RYR2: variants seen among roughly 807,000 people sequenced by gnomAD.
RYR2 encodes the protein ryanodine receptor 2.
RYR2 carries 227 observed loss-of-function variants against 601.1 expected under a neutral mutation model. The observed-to-expected ratio is 0.38, with a 90% CI of 0.34 to 0.42. The LOEUF is 0.42. Ranked by LOEUF, RYR2 falls within the 10% of genes least tolerant of loss-of-function variation. The pLI is 1.00. For synonymous variants in RYR2, 2,223 were observed against 2,175.1 expected (o/e 1.02, Z -0.61); for missense variants, 4,646 against 6,156.5 (o/e 0.75, Z 8.21).
chr1:237,340,359 C>T (rs890937538), intron 3 of RYR2, among the ~76,000 whole-genome samples: 3 of 152,120 alleles, frequency 2.0e-5, no homozygotes, highest in African/African-American at 7.2e-5. Flanking sequence ...AACAATGCCT[C>T]CTTGCTCTTG....
At chr1:237,446,798 A>C (rs1005116800) in intron 14 of RYR2, among the ~76,000 whole-genome samples, 3 of 152,130 alleles carry the variant, frequency 2.0e-5, no homozygotes, top group Non-Finnish European at 4.4e-5. Context: ...GGTATGCACC[A>C]CATTTTTGTA....
rs370837152 is a variant in RYR2, at chr1:237,610,163, C to G, written c.4684-599C>G. On this transcript the variant is annotated intron_variant, in intron 35 of 104. Coordinates refer to ENST00000366574, the MANE Select transcript of RYR2 (RefSeq NM_001035.3). This position sits in a 1 kb window ranked among gnomAD's most constrained non-coding sequence, Gnocchi z 4.9. ...AGCAGAGACCTCTCTTTCTTTGACA[C>G]CAGACAGAAAGAATTAAGGATGGCT... Among the ~76,000 whole-genome samples the G allele has an allele frequency of 2.0e-4, 30 of 152,292 alleles. 1 individual carries two copies. Among genetic ancestry groups the G allele is most frequent in the African/African-American group, 7.0e-4 (29 of 41,564 alleles).
intron 27 of RYR2, among the ~76,000 whole-genome samples, chr1:237,556,071 C>T (rs1216783314): frequency 5.9e-5 from 9 of 152,060 alleles, no homozygotes. Context: ...TGATGACATA[C>T]AGTGTTTTAT....
chr1:237,387,955 C>T (rs1412307389), intron 9 of RYR2, 132 bp from the exon 10 acceptor site: 2 of 777,536 alleles, frequency 2.6e-6, no homozygotes, highest in Non-Finnish European at 4.3e-6. Context: ...ATCTCTGTGA[C>T]CTTGGCCAGG....
chr1:237,283,832 A>G (rs1484380713), intron 2 of RYR2, among the ~76,000 whole-genome samples: 1 of 152,268 alleles, frequency 6.6e-6, no homozygotes, highest in Non-Finnish European at 1.5e-5. Flanking sequence ...AAGTTACTGG[A>G]GTACAGGTGG....
chr1:237,185,472 T>C (rs144882969), intron 1 of RYR2, among the ~76,000 whole-genome samples: 27 of 152,166 alleles, frequency 1.8e-4, no homozygotes, highest in Non-Finnish European at 8.8e-5. Flanking sequence ...CTACTTTGCC[T>C]CTCACATTCT....
chr1:237,168,923 T>C (rs1179575886), intron 1 of RYR2, among the ~76,000 whole-genome samples: 2 of 152,188 alleles, frequency 1.3e-5, no homozygotes, highest in Admixed American at 6.5e-5. Context: ...AATATGGTTA[T>C]TGGTGCTCTG....
chr1:237,488,678 C>G (rs894367616), intron 17 of RYR2, among the ~76,000 whole-genome samples: 2 of 152,134 alleles, frequency 1.3e-5, no homozygotes, highest in Non-Finnish European at 2.9e-5. Flanking sequence ...CTAACTGATA[C>G]ATATATTCTC....
chr1:237,458,494 C>T (rs1306402174), intron 16 of RYR2, among the ~76,000 whole-genome samples: 1 of 152,104 alleles, frequency 6.6e-6, no homozygotes, highest in Admixed American at 6.6e-5. Context: ...ATTGAACCTT[C>T]CTTCTCTGGT....
chr1:237,760,969 A>C lies in RYR2; in HGVS notation c.11417A>C (p.Asn3806Thr). The change falls in exon 84 of 105, where the codon AAT becomes ACT. Residue 3806 changes from asparagine (N) to threonine (T), a missense_variant. Transcript: ENST00000366574. ...TGTTATTATAGTGTCCTTGACCTAA[A>C]TGCATTTGAGCGACAAAACAAAGCT... is the stretch of plus-strand genomic sequence containing the variant. ...LMQSCSVLDL[N>T]AFERQNKAEG... is the part of the protein sequence containing the mutation. 1 of 1,572,910 alleles carries C rather than the reference A, an allele frequency of 6.4e-7. No homozygotes were observed. The highest frequency in any genetic ancestry group is 1.2e-5 in the South Asian group (1 of 85,514).
chr1:237,698,632 G>T (rs1293568910), intron 63 of RYR2, among the ~76,000 whole-genome samples: 1 of 152,080 alleles, frequency 6.6e-6, no homozygotes, highest in Non-Finnish European at 1.5e-5. Context: ...TTAAAAGTTT[G>T]TAAACAATAA....
chr1:237,722,488 C>T (rs1237349104), intron 73 of RYR2, among the ~76,000 whole-genome samples: 6 of 150,188 alleles, frequency 4.0e-5, no homozygotes, highest in Non-Finnish European at 8.9e-5. Context: ...GGCTGGAGTG[C>T]AGTGGCGCGA....
intron 12 of RYR2, among the ~76,000 whole-genome samples, chr1:237,437,724 A>G (rs1400513856): frequency 6.6e-6 from 1 of 152,248 alleles, no homozygotes; most frequent in Non-Finnish European, 1.5e-5. Context: ...TCTTAGACTG[A>G]AAAAGCAGTG....
intron 56 of RYR2, 79 bp from the exon 57 acceptor site, chr1:237,666,433 C>T (rs995825035): frequency 3.6e-5 from 45 of 1,233,198 alleles, no homozygotes; most frequent in East Asian, 1.8e-4. Context: ...GAAATTTGTG[C>T]CATATTTTTA....
At chr1:237,164,148 G>A (rs1572063328) in intron 1 of RYR2, among the ~76,000 whole-genome samples, 2 of 152,184 alleles carry the variant, frequency 1.3e-5, no homozygotes, top group East Asian at 1.9e-4. Flanking sequence ...TTAGATGGGC[G>A]TGGTGGCCTG....
rs547720720 is a variant in RYR2 at position 237,476,847 on chromosome 1, A to C, written c.1708+7660A>C. Reference sequence around the variant, plus strand: ...ATCCATTATTAGTGATGCAGAAATCATAGCTAACTGATTTGAGTAGTACCA... The same window carrying C: ...ATCCATTATTAGTGATGCAGAAATCCTAGCTAACTGATTTGAGTAGTACCA... On this transcript the variant is annotated intron_variant, in intron 17 of 104. Transcript: ENST00000366574. 6.6e-5 allele frequency among the ~76,000 whole-genome samples: 10 copies of C among 152,340 alleles called. No homozygotes were observed. In the East Asian group the frequency reaches 1.9e-3, roughly 29 times the overall value.
intron 1 of RYR2, among the ~76,000 whole-genome samples, chr1:237,075,366 CG>C (rs1381329003): frequency 7.0e-6 from 1 of 143,520 alleles, no homozygotes; most frequent in Admixed American, 7.0e-5. Context: ...CTGAGGTACC[CG>C]GTTCATCTCA....
At chr1:237,803,198 T>C in intron 98 of RYR2, among the ~76,000 whole-genome samples, 1 of 152,248 alleles carries the variant, frequency 6.6e-6, no homozygotes, top group East Asian at 1.9e-4. Flanking sequence ...CAAATTTTAC[T>C]GTGCAGCAAG....
At chr1:237,137,651 C>G (rs958923950) in intron 1 of RYR2, among the ~76,000 whole-genome samples, 1 of 152,094 alleles carries the variant, frequency 6.6e-6, no homozygotes, top group East Asian at 1.9e-4. Context: ...AGATGTGCGA[C>G]GTGGCATCCA....
Sources: gnomAD v4.1 joint callset for allele counts (sites outside exome capture counted in the v4.1 genomes callset) on GRCh38, gnomAD v4.1.1 for gene constraint, Gnocchi (gnomAD v3.1) non-coding constraint, MANE v1.5 for transcripts, NCBI Gene and HGNC (gene_info 2026-07-23, HGNC 2026-07-21) for gene names.